B4GALT5: variants seen among roughly 807,000 people sequenced by gnomAD.
B4GALT5 encodes the protein beta-1,4-galactosyltransferase 5.
A neutral mutation model predicts 45.0 loss-of-function variants in B4GALT5; 11 were observed. The ratio of observed to expected loss-of-function variants is 0.24; its 90% CI spans 0.15 to 0.40. The LOEUF (loss-of-function observed/expected upper bound fraction) is 0.40. Ranked by LOEUF, B4GALT5 falls within the 10% of genes least tolerant of loss-of-function variation. B4GALT5 has a pLI of 1.00. For synonymous variants in B4GALT5, 185 were observed against 182.9 expected (o/e 1.01, Z -0.09); for missense variants, 337 against 500.2 (o/e 0.67, Z 3.11).
At position 49,713,549 on chromosome 20, in the gene B4GALT5, C is replaced by T. The variant is rs371726162; in HGVS notation, c.115+27G>A. 22 of 1,547,770 alleles carry T rather than the reference C, an allele frequency of 1.4e-5. No homozygotes were observed. In the African/African-American group the frequency reaches 3.0e-4, roughly 21 times the overall value. On this transcript the variant is annotated intron_variant, in intron 1 of 8. Coordinates refer to ENST00000371711, the MANE Select transcript of B4GALT5 (RefSeq NM_004776.4). ...GGTCCCTCAAGGCCAGAGCGGCAGCCGCCGCGGTCCCAAGCCCCCTTCCTA... is the reference window on the plus strand; with the variant it reads ...GGTCCCTCAAGGCCAGAGCGGCAGCTGCCGCGGTCCCAAGCCCCCTTCCTA...
chr20:49,698,189 G>A (rs2085847162), intron 1 of B4GALT5, among the ~76,000 whole-genome samples: 2 of 152,096 alleles, frequency 1.3e-5, no homozygotes. Flanking sequence ...CGGGCATGGT[G>A]GCACGCACCT....
intron 1 of B4GALT5, among the ~76,000 whole-genome samples, chr20:49,666,134 C>T (rs2146341855): frequency 6.6e-6 from 1 of 152,246 alleles, no homozygotes; most frequent in East Asian, 1.9e-4. Flanking sequence ...AAGGACTGAA[C>T]TTTTTAGTAT....
At chr20:49,668,033 A>C (rs892873654) in intron 1 of B4GALT5, among the ~76,000 whole-genome samples, 1 of 152,198 alleles carries the variant, frequency 6.6e-6, no homozygotes, top group African/African-American at 2.4e-5. Flanking sequence ...TTTTCATACA[A>C]AAAGTGTTTA....
intron 1 of B4GALT5, among the ~76,000 whole-genome samples, chr20:49,692,053 C>A (rs989269397): frequency 6.6e-6 from 1 of 152,104 alleles, no homozygotes; most frequent in African/African-American, 2.4e-5. Flanking sequence ...TCCCACTTAC[C>A]CCATGTCTGT....
At chr20:49,649,945 A>G (rs1301549591) in intron 2 of B4GALT5, among the ~76,000 whole-genome samples, 3 of 152,182 alleles carry the variant, frequency 2.0e-5, no homozygotes, top group African/African-American at 4.8e-5. Flanking sequence ...CACTAAGTAT[A>G]TTTTCATAAA....
chr20:49,684,689 C>G lies in B4GALT5; in HGVS notation c.116-27987G>C, dbSNP rs73119782. On this transcript the variant is annotated intron_variant, in intron 1 of 8. Coordinates refer to ENST00000371711, the MANE Select transcript of B4GALT5 (RefSeq NM_004776.4). ...AAAGAAATCAAGGCATACCTGCAGA[C>G]TTAAACGACATACTGAAGAGCCACG... 1,821 of 515,164 alleles carry G rather than the reference C, an allele frequency of 3.5e-3. 9 individuals are homozygous for G. The highest frequency in any genetic ancestry group is 6.3e-3 in the Non-Finnish European group (1,638 of 258,182). 31.9% of individuals were successfully genotyped at this position (515,164 alleles called of 1,614,324 possible). A position where few individuals can be genotyped will look rare whatever the true frequency, so the allele number is the denominator to read the frequency against.
rs2123018592 is a variant in B4GALT5, at chr20:49,656,658, G to A, written c.160C>T (p.Arg54Trp). 6.2e-7 allele frequency: 1 copy of A among 1,614,052 alleles called. No individual in the cohort carries two copies. The highest frequency in any genetic ancestry group is 8.5e-7 in the Non-Finnish European group (1 of 1,180,020). ...GCACCGATTGTTCTCACGTTGTCCC[G>A]GATCAGAATGCCTTGGGCTTGCATC... Reference protein sequence around the residue: ...FMMQAQGILIRDNVRTIGAQV... With the variant: ...FMMQAQGILIWDNVRTIGAQV... The change falls in exon 2 of 9, where the codon CGG (arginine) becomes TGG (tryptophan). Residue 54 changes from arginine to tryptophan, a missense_variant. By Grantham distance (101) the Arg-to-Trp change is moderately radical. Coordinates refer to ENST00000371711, the MANE Select transcript of B4GALT5 (RefSeq NM_004776.4).
At chr20:49,713,531 C>G (rs886215116) in intron 1 of B4GALT5, 45 bp downstream of exon 1, 1 of 1,538,024 alleles carries the variant, frequency 6.5e-7, no homozygotes, top group East Asian at 2.5e-5. Context: ...CCGGGTCCCT[C>G]AAGGCCAGAG....
chr20:49,689,859 T>C (rs1307837882), intron 1 of B4GALT5, among the ~76,000 whole-genome samples: 1 of 152,156 alleles, frequency 6.6e-6, no homozygotes, highest in Non-Finnish European at 1.5e-5. Context: ...TCCCTACCCT[T>C]ATTTCCCTCT....
At position 49,702,841 on chromosome 20, in the gene B4GALT5, CGA is replaced by C. The variant is rs1285639545; in HGVS notation, c.115+10733_115+10734del. 3.3e-5 allele frequency among the ~76,000 whole-genome samples: 5 copies of C among 151,158 alleles called. No homozygotes were observed. The East Asian group carries it at 7.8e-4, about 24-fold the overall frequency. ...CTGCACTCCAGCATGGGCAACAGAG[CGA>C]GAGTCCATCTCAAAAAACAAAAAAA... is the stretch of plus-strand genomic sequence containing the variant. On this transcript the variant is annotated intron_variant, in intron 1 of 8. Coordinates refer to ENST00000371711, the MANE Select transcript of B4GALT5 (RefSeq NM_004776.4).
chr20:49,651,936 G>A (rs797006717), intron 2 of B4GALT5, among the ~76,000 whole-genome samples: 7 of 150,314 alleles, frequency 4.7e-5, no homozygotes, highest in East Asian at 2.0e-4. Context: ...AAAATTAGCC[G>A]GGGGTGGTGG....
intron 1 of B4GALT5, among the ~76,000 whole-genome samples, chr20:49,677,018 C>A (rs2085740564): frequency 6.6e-6 from 1 of 151,986 alleles, no homozygotes; most frequent in East Asian, 1.9e-4. Flanking sequence ...GTGTGCTTAC[C>A]CTTAAGTGGT....
At chr20:49,672,552 T>C (rs980311938) in intron 1 of B4GALT5, among the ~76,000 whole-genome samples, 2 of 152,112 alleles carry the variant, frequency 1.3e-5, no homozygotes, top group Admixed American at 6.5e-5. Context: ...TCATCTATTA[T>C]GACAGACAGA....
At chr20:49,672,304 G>A (rs2085719313) in intron 1 of B4GALT5, among the ~76,000 whole-genome samples, 1 of 152,320 alleles carries the variant, frequency 6.6e-6, no homozygotes, top group South Asian at 2.1e-4. Context: ...CACCCAAACT[G>A]TCAAACATAG....
chr20:49,674,792 C>G (rs1227090165), intron 1 of B4GALT5, among the ~76,000 whole-genome samples: 1 of 152,050 alleles, frequency 6.6e-6, no homozygotes, highest in Non-Finnish European at 1.5e-5. Context: ...TAAATATATC[C>G]TCCTGTTGTC....
chr20:49,697,440 G>A lies in B4GALT5; in HGVS notation c.115+16136C>T, dbSNP rs2085844003. Among the ~76,000 whole-genome samples, 3 of 152,240 alleles carry A rather than the reference G, an allele frequency of 2.0e-5. No individual in the cohort carries two copies. The South Asian group carries it at 6.2e-4, about 31-fold the overall frequency. ...TTAAATCCTCTGGAAACGTCACTGT[G>A]ATCAATGGCTTCAACCCTCCTCTAC... On this transcript the variant is annotated intron_variant, in intron 1 of 8. Coordinates refer to ENST00000371711, the MANE Select transcript of B4GALT5 (RefSeq NM_004776.4).
chr20:49,661,529 C>G (rs529429026), intron 1 of B4GALT5, among the ~76,000 whole-genome samples: 1 of 152,170 alleles, frequency 6.6e-6, no homozygotes, highest in Non-Finnish European at 1.5e-5. Context: ...GCCACCGCAC[C>G]CAGCTAACTT....
At chr20:49,700,113 C>T (rs943145390) in intron 1 of B4GALT5, among the ~76,000 whole-genome samples, 3 of 152,162 alleles carry the variant, frequency 2.0e-5, no homozygotes, top group African/African-American at 7.2e-5. Context: ...CCTTTAAATA[C>T]TGAAGCCCTC....
At chr20:49,669,046 A>C (rs2085704555) in intron 1 of B4GALT5, among the ~76,000 whole-genome samples, 1 of 151,860 alleles carries the variant, frequency 6.6e-6, no homozygotes, top group Non-Finnish European at 1.5e-5. Flanking sequence ...ATTTTTGTAG[A>C]GGTAGAATCT....
Sources: gnomAD v4.1 joint callset for allele counts (sites outside exome capture counted in the v4.1 genomes callset) on GRCh38, gnomAD v4.1.1 for gene constraint, MANE v1.5 for transcripts, NCBI Gene and HGNC (gene_info 2026-07-23, HGNC 2026-07-21) for gene names.